ROBO2: variants seen among roughly 807,000 people sequenced by gnomAD.
ROBO2 encodes roundabout homolog 2.
Under a neutral mutation model 160.8 loss-of-function variants are expected in ROBO2, and 53 were observed. The observed-to-expected ratio is 0.33, with a 90% confidence interval of 0.26 to 0.41. The LOEUF is 0.41. Ranked by LOEUF, ROBO2 falls within the 10% of genes least tolerant of loss-of-function variation. The probability of loss-of-function intolerance (pLI) is 1.00; values close to 1 mark genes in which losing one functional copy is unlikely to be tolerated. For synonymous variants in ROBO2, 664 were observed against 611.7 expected, an observed-to-expected ratio of 1.09 and a Z score of -1.26; for missense variants, 1,577 against 1,722.4, an observed-to-expected ratio of 0.92 and a Z score of 1.49.
chr3:76,942,938 G>A (rs2078287592), intron 2 of ROBO2, among the ~76,000 whole-genome samples: 1 of 151,954 alleles, frequency 6.6e-6, no homozygotes, highest in Non-Finnish European at 1.5e-5. Flanking sequence ...GTGGCTAGAG[G>A]TCATACTCCT....
intron 2 of ROBO2, among the ~76,000 whole-genome samples, chr3:76,580,317 G>GTTTTTTTTTTTTTTT (rs1329634324): frequency 2.6e-5 from 1 of 38,842 alleles, no homozygotes; most frequent in Admixed American, 2.5e-4. Flanking sequence ...CCCAACCCCT[G>GTTTTTTTTTTTTTTT]TTTTTTTTTT....
chr3:77,600,689 A>T (rs1390421405), intron 19 of ROBO2, among the ~76,000 whole-genome samples: 1 of 152,164 alleles, frequency 6.6e-6, no homozygotes, highest in African/African-American at 2.4e-5. Context: ...AAGTCTGAAA[A>T]ATCACCCAGA....
chr3:76,498,193 C>T (rs1292416535), intron 2 of ROBO2, among the ~76,000 whole-genome samples: 1 of 152,074 alleles, frequency 6.6e-6, no homozygotes, highest in Non-Finnish European at 1.5e-5. Flanking sequence ...GAATGAATTA[C>T]TAGGCACAAG....
chr3:76,553,579 A>G, intron 2 of ROBO2, among the ~76,000 whole-genome samples: 1 of 152,182 alleles, frequency 6.6e-6, no homozygotes, highest in East Asian at 1.9e-4. Flanking sequence ...TATTACACTT[A>G]TGTGAAATGA....
intron 2 of ROBO2, among the ~76,000 whole-genome samples, chr3:76,911,944 G>A (rs2076016875): frequency 6.6e-6 from 1 of 151,992 alleles, no homozygotes; most frequent in Non-Finnish European, 1.5e-5. Flanking sequence ...ACTCCAGAAG[G>A]GCAACAGAGC....
At chr3:77,642,974 G>C (rs945065080) in intron 24 of ROBO2, 31 bp downstream of exon 26, 1 of 452,326 alleles carries the variant, frequency 2.2e-6, no homozygotes, top group Non-Finnish European at 4.5e-6. Flanking sequence ...AGAAAGTGTG[G>C]ACTGTTACCA....
Position 77,634,682 on chromosome 3 carries a change from A to C in ROBO2, c.3761-188A>C, listed in dbSNP as rs896794805. On this transcript the variant is annotated intron_variant, in intron 23 of 25. Coordinates refer to ENST00000461745, the Ensembl canonical transcript of ROBO2. Reference sequence around the variant, plus strand: ...TGGGGGTGTTGTTAGCTTATTAAAAATTGAACAAAATATGTGCAGCTGAGA... The same window carrying C: ...TGGGGGTGTTGTTAGCTTATTAAAACTTGAACAAAATATGTGCAGCTGAGA... 1.9e-5 allele frequency: 12 copies of C among 628,534 alleles called. No homozygotes were observed. In the Admixed American group the frequency reaches 2.6e-4, roughly 14 times the overall value. 38.9% of individuals were successfully genotyped at this position (628,534 alleles called of 1,614,324 possible). A position where few individuals can be genotyped will look rare whatever the true frequency, so the allele number is the denominator to read the frequency against.
At chr3:77,399,089 G>C (rs1014051980) in intron 2 of ROBO2, among the ~76,000 whole-genome samples, 3 of 152,018 alleles carry the variant, frequency 2.0e-5, no homozygotes, top group Non-Finnish European at 4.4e-5. Flanking sequence ...AAATTGCCAA[G>C]TTTGATTTTT....
At position 76,069,827 on chromosome 3, in the gene ROBO2, A is replaced by G. The variant is rs567864219; in HGVS notation, c.109+132225A>G. Reference sequence around the variant, plus strand: ...GACCCTGAACGAAGGGACCGGCTGAAGCCATGGTAGAAGAACGTGGATTGT... The same window carrying G: ...GACCCTGAACGAAGGGACCGGCTGAGGCCATGGTAGAAGAACGTGGATTGT... On this transcript the variant is annotated intron_variant, in intron 2 of 26. Coordinates refer to the ROBO2 transcript ENST00000487694. 4.2e-3 allele frequency among the ~76,000 whole-genome samples: 638 copies of G among 152,268 alleles called. 4 individuals are homozygous for G. The highest frequency in any genetic ancestry group is 0.015 in the African/African-American group (619 of 41,562).
intron 2 of ROBO2, among the ~76,000 whole-genome samples, chr3:76,745,998 A>C: frequency 8.3e-6 from 1 of 120,932 alleles, no homozygotes; most frequent in Non-Finnish European, 1.6e-5. Flanking sequence ...CCCACCCCAA[A>C]ACAGTCCCCA....
intron 2 of ROBO2, among the ~76,000 whole-genome samples, chr3:76,401,973 G>C (rs575393769): frequency 6.6e-6 from 1 of 151,544 alleles, no homozygotes; most frequent in East Asian, 1.9e-4. Context: ...ATCAGTACGA[G>C]AGGATAACTT....
At chr3:76,155,100 G>T (rs1428454109) in intron 2 of ROBO2, among the ~76,000 whole-genome samples, 2 of 152,130 alleles carry the variant, frequency 1.3e-5, no homozygotes, top group Non-Finnish European at 2.9e-5. Flanking sequence ...TACCGAAGAA[G>T]TGTCCCTTTG....
Position 76,420,854 on chromosome 3 carries a change from T to G in ROBO2, c.109+483252T>G, listed in dbSNP as rs559203275. 5.3e-5 allele frequency among the ~76,000 whole-genome samples: 8 copies of G among 152,320 alleles called. No homozygotes were observed. In the East Asian group the frequency reaches 1.5e-3, roughly 29 times the overall value. On this transcript the variant is annotated intron_variant, in intron 2 of 26. Transcript: ENST00000487694. ...ATTTGAATTGGAAGTATTTTGTGTC[T>G]CCACAGAAAATTGTCATTCCAATCC...
chr3:76,477,803 T>TA (rs555957922), intron 2 of ROBO2, among the ~76,000 whole-genome samples: 8 of 150,968 alleles, frequency 5.3e-5, no homozygotes, highest in Admixed American at 2.0e-4. Context: ...GTCCTACTAC[T>TA]AAAAAAAAAT....
intron 2 of ROBO2, among the ~76,000 whole-genome samples, chr3:76,457,854 A>T (rs1414782666): frequency 6.6e-6 from 1 of 152,148 alleles, no homozygotes; most frequent in Non-Finnish European, 1.5e-5. Flanking sequence ...GCCACAGCCC[A>T]AGCTGTACCT....
chr3:76,554,757 A>G (rs556972355), intron 2 of ROBO2, among the ~76,000 whole-genome samples: 22 of 152,304 alleles, frequency 1.4e-4, no homozygotes, highest in African/African-American at 5.3e-4. Context: ...TTTTAAAATG[A>G]GCAGGGCCTT....
At chr3:76,607,142 C>T (rs1344778423) in intron 2 of ROBO2, among the ~76,000 whole-genome samples, 1 of 152,164 alleles carries the variant, frequency 6.6e-6, no homozygotes, top group East Asian at 1.9e-4. Context: ...TGGACTTGAA[C>T]TCCTGGACAG....
At chr3:77,230,529 CCT>C (rs1234231588) in intron 2 of ROBO2, among the ~76,000 whole-genome samples, 2 of 152,282 alleles carry the variant, frequency 1.3e-5, no homozygotes, top group East Asian at 3.9e-4. Flanking sequence ...ACAATTAATT[CCT>C]TTTTGTTAGA....
At chr3:76,554,284 T>C (rs2083579643) in intron 2 of ROBO2, among the ~76,000 whole-genome samples, 2 of 152,176 alleles carry the variant, frequency 1.3e-5, no homozygotes, top group Admixed American at 6.5e-5. Flanking sequence ...TATACACATA[T>C]CACAGCAAAT....
Sources: allele counts gnomAD v4.1 joint callset (sites outside exome capture counted in the v4.1 genomes callset), GRCh38; gene constraint gnomAD v4.1.1; transcripts MANE v1.5; gene names NCBI Gene and HGNC (gene_info 2026-07-23, HGNC 2026-07-21).